The following MBOAT1 variants were observed in gnomAD, a reference collection of about 807,000 sequenced individuals.
MBOAT1 encodes the protein membrane-bound glycerophospholipid O-acyltransferase 1.
A neutral mutation model predicts 64.4 loss-of-function variants in MBOAT1; 67 were observed. That is an observed-to-expected ratio of 1.04 (90% confidence interval 0.85 to 1.27). The LOEUF is 1.27. Ranked by LOEUF, MBOAT1 falls within the 50% of genes most tolerant of loss-of-function variation. The probability of loss-of-function intolerance (pLI) is 0.00; values close to 1 mark genes in which losing one functional copy is unlikely to be tolerated. For missense variants in MBOAT1, 563 were observed against 604.6 expected (o/e 0.93, Z 0.72); for synonymous variants, 229 against 218.9 (o/e 1.05, Z -0.41).
At chr6:20,118,350 TG>T in intron 9 of MBOAT1, 86 bp downstream of exon 9, 1 of 1,055,062 alleles carries the variant, frequency 9.5e-7, no homozygotes, top group Non-Finnish European at 1.4e-6. Flanking sequence ...TTTGGACACA[TG>T]GATGAAGCAT....
At chr6:20,206,777 A>C (rs1368671514) in intron 1 of MBOAT1, among the ~76,000 whole-genome samples, 1 of 152,082 alleles carries the variant, frequency 6.6e-6, no homozygotes, top group African/African-American at 2.4e-5. Flanking sequence ...CAAATACCCC[A>C]GTTCCCCTGC....
At chr6:20,137,284 G>A (rs536810588) in intron 4 of MBOAT1, among the ~76,000 whole-genome samples, 60 of 152,242 alleles carry the variant, frequency 3.9e-4, no homozygotes, top group African/African-American at 1.4e-3. Context: ...ATCGTGATGG[G>A]AGAGCAATTA....
At position 20,168,599 on chromosome 6, in the gene MBOAT1, GAGAGAAGAGAAGAGAAGAGAAGAGA is replaced by G. The variant is rs149730371; in HGVS notation, c.100-15855_100-15831del. ...AGAGAAAGAGAGAGAGGGAGAGAAA[GAGAGAAGAGAAGAGAAGAGAAGAGA>G]AGAGAAGAGAAGAGAAGAGAGGAGA... On this transcript the variant is annotated intron_variant, in intron 1 of 12. Coordinates refer to ENST00000324607, the MANE Select transcript of MBOAT1 (RefSeq NM_001080480.3). Among the ~76,000 whole-genome samples the G allele has an allele frequency of 8.0e-4, 68 of 84,722 alleles. 1 individual carries two copies. Among genetic ancestry groups the G allele is most frequent in the African/African-American group, 1.6e-3 (30 of 18,888 alleles). 55.6% of individuals were successfully genotyped at this position (84,722 alleles called of 152,430 possible). A position where few individuals can be genotyped will look rare whatever the true frequency, so the allele number is the denominator to read the frequency against.
chr6:20,165,218 T>C (rs1761980737), intron 1 of MBOAT1, among the ~76,000 whole-genome samples: 2 of 152,182 alleles, frequency 1.3e-5, no homozygotes, highest in Non-Finnish European at 2.9e-5. Flanking sequence ...AGGAAACCGG[T>C]ACATAGAGGG....
At chr6:20,191,209 T>C (rs2113756136) in intron 1 of MBOAT1, among the ~76,000 whole-genome samples, 1 of 152,286 alleles carries the variant, frequency 6.6e-6, no homozygotes, top group East Asian at 1.9e-4. Flanking sequence ...CCCTGGTGCC[T>C]CTCTGTCTCA....
At chr6:20,141,359 C>CTT (rs755615744) in intron 4 of MBOAT1, among the ~76,000 whole-genome samples, 3,449 of 99,728 alleles carry the variant, frequency 0.035, 151 homozygotes, top group East Asian at 0.15. Flanking sequence ...TTTTCTTTTT[C>CTT]TTTTTTTTTT....
chr6:20,194,941 T>C (rs1379845017), intron 1 of MBOAT1, among the ~76,000 whole-genome samples: 5 of 151,112 alleles, frequency 3.3e-5, no homozygotes, highest in African/African-American at 1.2e-4. Context: ...CTATAGATTA[T>C]AGATCTATAA....
intron 1 of MBOAT1, among the ~76,000 whole-genome samples, chr6:20,191,947 G>A (rs916194550): frequency 6.6e-6 from 1 of 152,098 alleles, no homozygotes; most frequent in African/African-American, 2.4e-5. Context: ...CTTTACATTG[G>A]AAGAGACAGA....
intron 12 of MBOAT1, among the ~76,000 whole-genome samples, chr6:20,103,585 G>A (rs561627665): frequency 6.6e-6 from 1 of 151,806 alleles, no homozygotes; most frequent in Non-Finnish European, 1.5e-5. Flanking sequence ...GCGCCACCAC[G>A]CTCGGCCAAT....
intron 4 of MBOAT1, among the ~76,000 whole-genome samples, chr6:20,142,178 T>G (rs1761198169): frequency 6.6e-6 from 1 of 152,182 alleles, no homozygotes; most frequent in African/African-American, 2.4e-5. Flanking sequence ...GGAGGGACTG[T>G]TTAATAATGA....
Position 20,181,030 on chromosome 6 carries a change from A to G in MBOAT1, c.100-28261T>C, listed in dbSNP as rs533013281. On this transcript the variant is annotated intron_variant, in intron 1 of 12. Transcript: ENST00000324607. Reference sequence around the variant, plus strand: ...AGCAAATGATTACCTTGAGCCAATCAGTTTCAGGCAGTGCTAATAGCAGGT... The same window carrying G: ...AGCAAATGATTACCTTGAGCCAATCGGTTTCAGGCAGTGCTAATAGCAGGT... Among the ~76,000 whole-genome samples the G allele has an allele frequency of 2.0e-5, 3 of 152,368 alleles. No individual in the cohort carries two copies. The South Asian group carries it at 6.2e-4, about 32-fold the overall frequency.
At chr6:20,116,658 T>G (rs1470516336) in intron 9 of MBOAT1, among the ~76,000 whole-genome samples, 1 of 152,254 alleles carries the variant, frequency 6.6e-6, no homozygotes, top group Non-Finnish European at 1.5e-5. Context: ...CCTCAGGGTG[T>G]CTTAAACCAA....
intron 1 of MBOAT1, among the ~76,000 whole-genome samples, chr6:20,185,700 T>C (rs1370266998): frequency 2.6e-5 from 4 of 152,214 alleles, no homozygotes; most frequent in African/African-American, 9.7e-5. Context: ...GTGTCCAACA[T>C]ATGGCAACAA....
At chr6:20,155,847 T>C (rs1006807525) in intron 1 of MBOAT1, among the ~76,000 whole-genome samples, 2 of 152,214 alleles carry the variant, frequency 1.3e-5, no homozygotes, top group African/African-American at 2.4e-5. Flanking sequence ...ACTCATCAAA[T>C]ATTTTCTTGG....
chr6:20,181,777 G>A (rs915302205), intron 1 of MBOAT1, among the ~76,000 whole-genome samples: 8 of 152,222 alleles, frequency 5.3e-5, no homozygotes, highest in African/African-American at 1.9e-4. Flanking sequence ...TCTAAGTGGA[G>A]ACTGTGTTTC....
intron 1 of MBOAT1, among the ~76,000 whole-genome samples, chr6:20,186,392 C>G (rs1762654227): frequency 6.6e-6 from 1 of 152,206 alleles, no homozygotes; most frequent in African/African-American, 2.4e-5. Flanking sequence ...CTCTACAGCC[C>G]CAGCACTTAA....
At chr6:20,124,765 T>C (rs1299305840) in intron 7 of MBOAT1, among the ~76,000 whole-genome samples, 165 bp from the exon 8 acceptor site, 2 of 152,130 alleles carry the variant, frequency 1.3e-5, no homozygotes, top group Non-Finnish European at 2.9e-5. Flanking sequence ...AATCTGACAA[T>C]GGAGATTAGG....
intron 11 of MBOAT1, among the ~76,000 whole-genome samples, chr6:20,110,792 G>A (rs2472782): frequency 0.037 from 5,619 of 152,020 alleles, 344 homozygotes; most frequent in African/African-American, 0.13. Flanking sequence ...TTAATCTCCA[G>A]TATAATTTTA....
In MBOAT1 at chr6:20,188,484, A is replaced by C. The variant is rs374096758; in HGVS notation, c.99+23652T>G. On this transcript the variant is annotated intron_variant, in intron 1 of 12. Transcript: ENST00000324607. ...CATTCTTTGTCTCACGACCAAGAGAATTAAGGAGTGTGGACACAAAGGGTG... is the reference window on the plus strand; with the variant it reads ...CATTCTTTGTCTCACGACCAAGAGACTTAAGGAGTGTGGACACAAAGGGTG... Among the ~76,000 whole-genome samples, 6 of 152,310 alleles carry C rather than the reference A, an allele frequency of 3.9e-5. No individual in the cohort carries two copies. In the East Asian group the frequency reaches 9.6e-4, roughly 24 times the overall value.
Sources: gnomAD v4.1 joint callset for allele counts (sites outside exome capture counted in the v4.1 genomes callset) on GRCh38, gnomAD v4.1.1 for gene constraint, MANE v1.5 for transcripts, NCBI Gene and HGNC (gene_info 2026-07-23, HGNC 2026-07-21) for gene names.